ZMYM4: variants seen among roughly 807,000 people sequenced by gnomAD.
The protein encoded by ZMYM4 is zinc finger MYM-type protein 4.
In ZMYM4, 31 loss-of-function variants were observed where a neutral mutation model predicts 183.2. The ratio of observed to expected loss-of-function variants is 0.17; its 90% CI spans 0.13 to 0.23. ZMYM4 has a LOEUF of 0.23. Among genes scored for constraint, ZMYM4 ranks in the 10% least tolerant of loss-of-function variants. ZMYM4 has a pLI of 1.00. For synonymous variants in ZMYM4, 592 were observed against 631.2 expected (o/e 0.94, Z 0.93); for missense variants, 1,273 against 1,840.3 (o/e 0.69, Z 5.64).
chr1:35,290,721 C>T (rs1640721851), intron 1 of ZMYM4, among the ~76,000 whole-genome samples: 1 of 152,160 alleles, frequency 6.6e-6, no homozygotes. Flanking sequence ...AATGAGCCAC[C>T]ATGCCTGGCT....
intron 7 of ZMYM4, among the ~76,000 whole-genome samples, chr1:35,373,382 T>TC (rs2148943236): frequency 6.8e-6 from 1 of 147,284 alleles, no homozygotes; most frequent in East Asian, 2.0e-4. Flanking sequence ...TTTTTTTTCT[T>TC]TTTTTTTTTT....
chr1:35,295,287 G>C (rs975594517), intron 1 of ZMYM4, among the ~76,000 whole-genome samples: 1 of 152,134 alleles, frequency 6.6e-6, no homozygotes, highest in Admixed American at 6.5e-5. Flanking sequence ...AAGTCATATG[G>C]GTATCTGATA....
chr1:35,287,835 A>G (rs1225035398), intron 1 of ZMYM4, among the ~76,000 whole-genome samples: 2 of 151,544 alleles, frequency 1.3e-5, no homozygotes, highest in African/African-American at 4.9e-5. Flanking sequence ...CGAACTCCTG[A>G]CCTCGCGGTC....
intron 9 of ZMYM4, 119 bp downstream of exon 9, chr1:35,381,877 G>T: frequency 8.1e-7 from 1 of 1,232,924 alleles, no homozygotes. Context: ...AAGTGCCATG[G>T]CTCACACCTG....
At position 35,361,178 on chromosome 1, in the gene ZMYM4, T is replaced by G. The variant is rs1643928679; in HGVS notation, c.608-16T>G. ...CATATACATGTGTTTGTTTGTTTTT[T>G]TTTTCCTTTCAATAGCTAATCAAGT... On this transcript the variant is annotated splice_polypyrimidine_tract_variant and intron_variant, in intron 3 of 29. Coordinates refer to ENST00000314607, the MANE Select transcript of ZMYM4 (RefSeq NM_005095.3). 1.3e-6 allele frequency: 2 copies of G among 1,577,030 alleles called. No individual in the cohort carries two copies. Among genetic ancestry groups the G allele is most frequent in the East Asian group, 4.5e-5 (2 of 44,166 alleles).
chr1:35,312,625 G>A (rs1305214285), intron 1 of ZMYM4, among the ~76,000 whole-genome samples: 1 of 151,976 alleles, frequency 6.6e-6, no homozygotes, highest in African/African-American at 2.4e-5. Flanking sequence ...GGCAGCAAAT[G>A]TCTTTTTTTC....
intron 1 of ZMYM4, among the ~76,000 whole-genome samples, chr1:35,306,780 C>T (rs1026472434): frequency 6.6e-6 from 1 of 152,192 alleles, no homozygotes. Flanking sequence ...TCTTACCTTT[C>T]CCTATAGCAA....
intron 1 of ZMYM4, among the ~76,000 whole-genome samples, chr1:35,272,993 C>T (rs986633361): frequency 2.0e-5 from 3 of 152,142 alleles, no homozygotes; most frequent in South Asian, 4.1e-4. Context: ...GGATTACAGG[C>T]GTGAGCCACC....
chr1:35,377,789 G>C (rs967533131), intron 7 of ZMYM4, among the ~76,000 whole-genome samples: 4 of 152,188 alleles, frequency 2.6e-5, no homozygotes, highest in Non-Finnish European at 4.4e-5. Flanking sequence ...CAGGGTGATG[G>C]TTGCTGAAGG....
At chr1:35,382,098 T>G (rs1644469972) in intron 9 of ZMYM4, among the ~76,000 whole-genome samples, 1 of 147,820 alleles carries the variant, frequency 6.8e-6, no homozygotes, top group Non-Finnish European at 1.5e-5. Context: ...TGAGCCAAGA[T>G]CGTACCATTG....
intron 1 of ZMYM4, among the ~76,000 whole-genome samples, chr1:35,294,773 G>A (rs887943124): frequency 7.9e-5 from 12 of 152,120 alleles, no homozygotes; most frequent in Admixed American, 4.6e-4. Context: ...GGGATGGTAC[G>A]CTTTCCAAGC....
At chr1:35,325,126 A>G (rs906421527) in intron 1 of ZMYM4, among the ~76,000 whole-genome samples, 1 of 152,178 alleles carries the variant, frequency 6.6e-6, no homozygotes, top group African/African-American at 2.4e-5. Context: ...GTAGTTGTTT[A>G]TAGTGAGAGG....
chr1:35,335,033 A>G (rs560068420), intron 2 of ZMYM4, among the ~76,000 whole-genome samples: 13 of 152,186 alleles, frequency 8.5e-5, no homozygotes, highest in Admixed American at 6.5e-5. Context: ...TTTAAAATGT[A>G]TATTTTCATG....
In ZMYM4 at chr1:35,419,882, G is replaced by A. The variant is rs1640268126; in HGVS notation, c.*205G>A. 2 of 577,780 alleles carry A rather than the reference G, an allele frequency of 3.5e-6. No individual in the cohort carries two copies. The highest frequency in any genetic ancestry group is 6.1e-6 in the Non-Finnish European group (2 of 326,222). 35.8% of individuals were successfully genotyped at this position (577,780 alleles called of 1,614,324 possible). ...ATGAACTGAGAAATGTTCTTTGGCA[G>A]TGATATAGTTCTTAGACATCTTCAG... On this transcript the variant is annotated 3_prime_UTR_variant, in exon 30 of 30. Coordinates refer to ENST00000314607, the MANE Select transcript of ZMYM4 (RefSeq NM_005095.3).
Position 35,396,557 on chromosome 1 carries a change from A to T in ZMYM4, c.2917A>T (p.Thr973Ser). 6.2e-7 allele frequency: 1 copy of T among 1,613,388 alleles called. No homozygotes were observed. The highest frequency in any genetic ancestry group is 8.5e-7 in the Non-Finnish European group (1 of 1,179,650). The change falls in exon 19 of 30, where the codon ACT becomes TCT. Residue 973 changes from threonine to serine, a missense_variant. Thr to Ser is a moderately conservative substitution (Grantham distance 58, BLOSUM62 1). Transcript: ENST00000314607. ...TTTGTTGTTGTTACTGTTAGAAGAC[A>T]CTCCAAGTCAGCCCCAGATTATTGT... Reference protein sequence around the residue: ...TQNKECQTEDTPSQPQIIVVP... With the variant: ...TQNKECQTEDSPSQPQIIVVP...
chr1:35,372,411 G>C (rs1010065604), intron 7 of ZMYM4, among the ~76,000 whole-genome samples: 6 of 152,098 alleles, frequency 3.9e-5, no homozygotes, highest in African/African-American at 1.4e-4. Context: ...GTTGGTTAAA[G>C]GATACAAAAT....
chr1:35,380,568 C>T lies in ZMYM4; in HGVS notation c.1182-691C>T, dbSNP rs997505217. On this transcript the variant is annotated intron_variant, in intron 7 of 29. Coordinates refer to ENST00000314607, the MANE Select transcript of ZMYM4 (RefSeq NM_005095.3). Reference sequence around the variant, plus strand: ...CTCTCGATCTCCTGACCTTGTGATCCGCCAGCCTCAGCCTCCCAAAGCGTT... The same window carrying T: ...CTCTCGATCTCCTGACCTTGTGATCTGCCAGCCTCAGCCTCCCAAAGCGTT... Among the ~76,000 whole-genome samples, 4 of 152,230 alleles carry T rather than the reference C, an allele frequency of 2.6e-5. No homozygotes were observed. In the South Asian group the frequency reaches 6.2e-4, roughly 24 times the overall value.
chr1:35,398,509 C>T lies in ZMYM4; in HGVS notation c.3253+43C>T, dbSNP rs574815968. ...TGTTTTGATTTTTAGAAATACTACC[C>T]TCTGTTAGAAACCTATAAAATATTA... On this transcript the variant is annotated intron_variant, in intron 21 of 29. Coordinates refer to ENST00000314607, the MANE Select transcript of ZMYM4 (RefSeq NM_005095.3). 1.4e-5 allele frequency: 21 copies of T among 1,534,782 alleles called. No homozygotes were observed. The South Asian group carries it at 2.3e-4, about 17-fold the overall frequency.
At chr1:35,303,118 C>T (rs934090825) in intron 1 of ZMYM4, among the ~76,000 whole-genome samples, 2 of 149,954 alleles carry the variant, frequency 1.3e-5, no homozygotes, top group Non-Finnish European at 3.0e-5. Context: ...ACAAAAAAAC[C>T]TTGTCTTTGC....
Sources: gnomAD v4.1 joint callset for allele counts (sites outside exome capture counted in the v4.1 genomes callset) on GRCh38, gnomAD v4.1.1 for gene constraint, MANE v1.5 for transcripts, NCBI Gene and HGNC (gene_info 2026-07-23, HGNC 2026-07-21) for gene names.